The following PXT1 variants were observed in gnomAD, a reference collection of about 807,000 sequenced individuals.
PXT1 encodes the protein peroxisomal testis enriched protein 1.
PXT1 carries 11 observed loss-of-function variants against 11.0 expected under a neutral mutation model. That is an observed-to-expected ratio of 1.00 (90% CI 0.63 to 1.66). PXT1 has a LOEUF of 1.66. PXT1 is among the 40% of genes most tolerant of loss of function. The pLI is 0.00. For missense variants in PXT1, 141 were observed against 155.5 expected (o/e 0.91, Z 0.49); for synonymous variants, 43 against 51.4 (o/e 0.84, Z 0.70).
intron 3 of PXT1, among the ~76,000 whole-genome samples, chr6:36,402,263 G>A (rs1330512850): frequency 6.6e-6 from 1 of 152,176 alleles, no homozygotes; most frequent in African/African-American, 2.4e-5. Flanking sequence ...CAAGGTTTCT[G>A]TCCTTCAGTC....
In PXT1 at chr6:36,442,797, G is replaced by C. The variant is rs780879735; in HGVS notation, c.-392C>G. The C allele has an allele frequency of 7.2e-5, 11 of 152,216 alleles. No homozygotes were observed. The highest frequency in any genetic ancestry group is 1.2e-4 in the Non-Finnish European group (8 of 68,044). 9.4% of individuals were successfully genotyped at this position (152,216 alleles called of 1,614,324 possible). On this transcript the variant is annotated 5_prime_UTR_variant, in exon 1 of 5. Transcript: ENST00000454782. ...TTTCCGTCTGCAACCTTTAATAATTGAGAGGGTATGCGCAACTCAGAAAAG... is the reference window on the plus strand; with the variant it reads ...TTTCCGTCTGCAACCTTTAATAATTCAGAGGGTATGCGCAACTCAGAAAAG...
At chr6:36,412,419 C>T (rs550210578) in intron 3 of PXT1, among the ~76,000 whole-genome samples, 40 of 149,298 alleles carry the variant, frequency 2.7e-4, no homozygotes, top group Middle Eastern at 3.4e-3. Flanking sequence ...CCCAGTACTT[C>T]GGGAGGCCGA....
chr6:36,406,940 G>A lies in PXT1; in HGVS notation c.170-6356C>T, dbSNP rs540745610. Among the ~76,000 whole-genome samples, 5 of 152,276 alleles carry A rather than the reference G, an allele frequency of 3.3e-5. No homozygotes were observed. The South Asian group carries it at 6.2e-4, about 19-fold the overall frequency. ...AAACCACATCTTTCTGGAGGTGACT[G>A]AAGTAGATTTCTCTTCCCTGCAGCT... is the stretch of plus-strand genomic sequence containing the variant. On this transcript the variant is annotated intron_variant, in intron 3 of 4. Coordinates refer to ENST00000454782, the MANE Select transcript of PXT1 (RefSeq NM_152990.4).
At chr6:36,423,979 AGTAAC>A (rs1774564785) in intron 3 of PXT1, among the ~76,000 whole-genome samples, 1 of 152,234 alleles carries the variant, frequency 6.6e-6, no homozygotes, top group Non-Finnish European at 1.5e-5. Flanking sequence ...CAGCAGCGTT[AGTAAC>A]TTCACCTGCC....
chr6:36,390,819 C>T lies in PXT1; in HGVS notation c.*951G>A, dbSNP rs1483992733. 1.3e-5 allele frequency: 2 copies of T among 152,184 alleles called. No individual in the cohort carries two copies. The highest frequency in any genetic ancestry group is 2.9e-5 in the Non-Finnish European group (2 of 68,056). The allele number at this position is 152,184 out of a possible 1,614,324, so 9.4% of individuals were successfully genotyped here. A position where few individuals can be genotyped will look rare whatever the true frequency, so the allele number is the denominator to read the frequency against. ...ATTCCACAGGCAAAGGGCCCACCAACCAATAATAGCAAAACCATCCAGCAA... is the reference window on the plus strand; with the variant it reads ...ATTCCACAGGCAAAGGGCCCACCAATCAATAATAGCAAAACCATCCAGCAA... On this transcript the variant is annotated 3_prime_UTR_variant, in exon 5 of 5. Transcript: ENST00000454782.
At chr6:36,414,590 TAA>T (rs1774422598) in intron 3 of PXT1, among the ~76,000 whole-genome samples, 1 of 152,182 alleles carries the variant, frequency 6.6e-6, no homozygotes, top group Non-Finnish European at 1.5e-5. Flanking sequence ...TTTCTCAAGG[TAA>T]AGTCATTCCA....
At position 36,390,655 on chromosome 6, in the gene PXT1, TAAC is replaced by T. The variant is rs1299574415; in HGVS notation, c.*1112_*1114del. 2.0e-5 allele frequency: 3 copies of T among 152,208 alleles called. No individual in the cohort carries two copies. Among genetic ancestry groups the T allele is most frequent in the African/African-American group, 4.8e-5 (2 of 41,460 alleles). The allele number at this position is 152,208 out of a possible 1,614,324, so 9.4% of individuals were successfully genotyped here. A position where few individuals can be genotyped will look rare whatever the true frequency, so the allele number is the denominator to read the frequency against. On this transcript the variant is annotated 3_prime_UTR_variant, in exon 5 of 5. Coordinates refer to ENST00000454782, the MANE Select transcript of PXT1 (RefSeq NM_152990.4). The stretch of plus-strand genomic sequence containing the variant: ...GATACATATGTAAACTTTTAATTTA[TAAC>T]AACAAGCTTTCCTAATATTTATAAT...
chr6:36,429,937 G>A (rs866374803), intron 2 of PXT1, among the ~76,000 whole-genome samples: 41 of 151,734 alleles, frequency 2.7e-4, no homozygotes, highest in African/African-American at 8.0e-4. Flanking sequence ...AGTGGCTCGC[G>A]CCTGTAATCC....
intron 3 of PXT1, among the ~76,000 whole-genome samples, chr6:36,403,905 T>C (rs1378917148): frequency 6.6e-6 from 1 of 152,180 alleles, no homozygotes; most frequent in Non-Finnish European, 1.5e-5. Flanking sequence ...TTTATGATGT[T>C]TTAGCCAGCA....
At chr6:36,419,830 A>G (rs755100725) in intron 3 of PXT1, among the ~76,000 whole-genome samples, 3 of 152,218 alleles carry the variant, frequency 2.0e-5, no homozygotes, top group Non-Finnish European at 4.4e-5. Flanking sequence ...CCCGGTTTAG[A>G]ACCAGGCGAA....
At chr6:36,434,669 G>A (rs1227368740) in intron 2 of PXT1, among the ~76,000 whole-genome samples, 1 of 152,112 alleles carries the variant, frequency 6.6e-6, no homozygotes, top group Non-Finnish European at 1.5e-5. Flanking sequence ...GTTTATAAGA[G>A]AATCAATAAT....
chr6:36,417,840 A>C, intron 3 of PXT1, among the ~76,000 whole-genome samples: 1 of 152,100 alleles, frequency 6.6e-6, no homozygotes, highest in Non-Finnish European at 1.5e-5. Context: ...AATGCACATT[A>C]TTTAGAACAC....
At chr6:36,425,800 C>CAAAACAAACAAACAAACAAACAA (rs1554154110) in intron 3 of PXT1, 114 bp downstream of exon 3, 3 of 216,722 alleles carry the variant, frequency 1.4e-5, no homozygotes, top group African/African-American at 1.0e-4. Context: ...AAAACAAAAA[C>CAAAACAAACAAACAAACAAACAA]AAAAAATATA....
In PXT1 at chr6:36,400,055, C is replaced by T. The variant is rs151332941; in HGVS notation, c.300+399G>A. Among the ~76,000 whole-genome samples, 528 of 152,276 alleles carry T rather than the reference C, an allele frequency of 3.5e-3. 1 individual carries two copies. Among genetic ancestry groups the T allele is most frequent in the African/African-American group, 0.012 (502 of 41,544 alleles). ...CCAGGCATCTGTCGTTTTTAAAACTCAACAGGTGATTCTAATTGCATCCAG... is the reference window on the plus strand; with the variant it reads ...CCAGGCATCTGTCGTTTTTAAAACTTAACAGGTGATTCTAATTGCATCCAG... On this transcript the variant is annotated intron_variant, in intron 4 of 4. Transcript: ENST00000454782.
chr6:36,423,469 G>A (rs1434081398), intron 3 of PXT1, among the ~76,000 whole-genome samples: 1 of 152,206 alleles, frequency 6.6e-6, no homozygotes, highest in Non-Finnish European at 1.5e-5. Flanking sequence ...TGGCCAATGG[G>A]GAGCGCACAT....
At chr6:36,440,928 C>A (rs908482592) in intron 1 of PXT1, among the ~76,000 whole-genome samples, 1 of 151,858 alleles carries the variant, frequency 6.6e-6, no homozygotes, top group African/African-American at 2.4e-5. Context: ...TAATAAGACT[C>A]GGTAGTTAGC....
intron 3 of PXT1, among the ~76,000 whole-genome samples, chr6:36,404,007 G>A (rs1402471727): frequency 6.6e-6 from 1 of 152,170 alleles, no homozygotes; most frequent in South Asian, 2.1e-4. Context: ...CAATGTAGGC[G>A]AGAGGTTGTG....
intron 2 of PXT1, among the ~76,000 whole-genome samples, chr6:36,428,927 A>G: frequency 6.6e-6 from 1 of 151,976 alleles, no homozygotes; most frequent in Non-Finnish European, 1.5e-5. Flanking sequence ...AAGTATTGGG[A>G]TTACACGCAT....
chr6:36,441,082 C>T (rs1445505029), intron 1 of PXT1, among the ~76,000 whole-genome samples: 3 of 88,400 alleles, frequency 3.4e-5, no homozygotes, highest in Non-Finnish European at 6.9e-5. Context: ...GCCTGGGCAA[C>T]AGAATAAGAA....
Sources: allele counts gnomAD v4.1 joint callset (sites outside exome capture counted in the v4.1 genomes callset), GRCh38; gene constraint gnomAD v4.1.1; transcripts MANE v1.5; gene names NCBI Gene and HGNC (gene_info 2026-07-23, HGNC 2026-07-21).